The following RPSA2 variants were observed in gnomAD, a reference collection of about 807,000 sequenced individuals.
RPSA2 encodes the protein ribosomal protein SA 2.
the RPSA2 span, among the ~76,000 whole-genome samples, chr19:23,801,401 G>T: frequency 2.0e-5 from 3 of 152,060 alleles, no homozygotes; most frequent in Non-Finnish European, 2.9e-5. Context: ...ATCACACCTG[G>T]CTAATTTTGT....
At chr19:23,800,910 C>T in the RPSA2 span, among the ~76,000 whole-genome samples, 1 of 152,138 alleles carries the variant, frequency 6.6e-6, no homozygotes, top group African/African-American at 2.4e-5. Flanking sequence ...CCTCACCTGG[C>T]CTAGATTTCT....
chr19:23,862,694 AT>A, the RPSA2 span, among the ~76,000 whole-genome samples: 2 of 151,286 alleles, frequency 1.3e-5, no homozygotes, highest in Non-Finnish European at 2.9e-5. Context: ...GCATTTATTG[AT>A]TTGCATATAT....
At chr19:23,869,894 A>G in the RPSA2 span, among the ~76,000 whole-genome samples, 1 of 152,222 alleles carries the variant, frequency 6.6e-6, no homozygotes, top group African/African-American at 2.4e-5. Context: ...TGTGGTTTTA[A>G]TCCTTATGTC....
chr19:23,819,348 C>A, the RPSA2 span: 1 of 152,368 alleles, frequency 6.6e-6, no homozygotes, highest in African/African-American at 2.4e-5. Context: ...ATCATAGGAT[C>A]AGCTGGGTTG....
the RPSA2 span, among the ~76,000 whole-genome samples, chr19:23,855,828 G>A: frequency 2.0e-5 from 3 of 152,256 alleles, no homozygotes; most frequent in South Asian, 4.1e-4. Context: ...ATGGGGGATG[G>A]TCTGCAGAAG....
chr19:23,773,926 G>A, the RPSA2 span, among the ~76,000 whole-genome samples: 1 of 152,134 alleles, frequency 6.6e-6, no homozygotes, highest in African/African-American at 2.4e-5. Flanking sequence ...AACATGTGTG[G>A]GATTGTTAAT....
chr19:23,841,102 C>T, the RPSA2 span, among the ~76,000 whole-genome samples: 2 of 152,086 alleles, frequency 1.3e-5, no homozygotes, highest in African/African-American at 4.8e-5. Context: ...AGTCATGTTG[C>T]ATCCTCCAAT....
chr19:23,864,851 G>A, the RPSA2 span, among the ~76,000 whole-genome samples: 16 of 151,982 alleles, frequency 1.1e-4, no homozygotes, highest in African/African-American at 3.6e-4. Flanking sequence ...TGTCATGCAG[G>A]CCTGCACTAA....
the RPSA2 span, among the ~76,000 whole-genome samples, chr19:23,849,747 C>A: frequency 6.6e-6 from 1 of 152,142 alleles, no homozygotes; most frequent in African/African-American, 2.4e-5. Flanking sequence ...TTAAATAGCC[C>A]TTTGGTGCCC....
At chr19:23,840,013 C>G in the RPSA2 span, among the ~76,000 whole-genome samples, 3 of 152,118 alleles carry the variant, frequency 2.0e-5, no homozygotes, top group East Asian at 1.9e-4. Context: ...AGAGGGTTGT[C>G]CTGATGCCTT....
At chr19:23,834,099 T>C in the RPSA2 span, among the ~76,000 whole-genome samples, 1 of 152,042 alleles carries the variant, frequency 6.6e-6, no homozygotes, top group African/African-American at 2.4e-5. Flanking sequence ...TAGAAATATC[T>C]AGGGCCACTC....
the RPSA2 span, among the ~76,000 whole-genome samples, chr19:23,847,046 T>G: frequency 6.6e-6 from 1 of 152,178 alleles, no homozygotes; most frequent in Non-Finnish European, 1.5e-5. Context: ...TCTTTGTTCA[T>G]TCTTTTTCAT....
chr19:23,831,940 A>G, the RPSA2 span: 2 of 312,854 alleles, frequency 6.4e-6, no homozygotes, highest in African/African-American at 4.4e-5. Flanking sequence ...AACCCAACAT[A>G]AAAGCATTTA....
the RPSA2 span, among the ~76,000 whole-genome samples, chr19:23,766,142 CCTTTTTTT>C: frequency 1.7e-3 from 74 of 43,288 alleles, 4 homozygotes; most frequent in East Asian, 0.013. Context: ...TATTTCATTT[CCTTTTTTT>C]TTTTTTTTTT....
At chr19:23,859,361 C>T in the RPSA2 span, among the ~76,000 whole-genome samples, 1 of 152,042 alleles carries the variant, frequency 6.6e-6, no homozygotes, top group Non-Finnish European at 1.5e-5. Flanking sequence ...GGGTGCGATG[C>T]CTCACACCTG....
At chr19:23,763,511 C>G in the RPSA2 span, among the ~76,000 whole-genome samples, 44 of 152,320 alleles carry the variant, frequency 2.9e-4, no homozygotes, top group African/African-American at 1.0e-3. Flanking sequence ...GAGTCTTGCT[C>G]TGTCGCCCAG....
chr19:23,806,757 C>T, the RPSA2 span, among the ~76,000 whole-genome samples: 111 of 142,034 alleles, frequency 7.8e-4, no homozygotes, highest in African/African-American at 3.0e-3. Flanking sequence ...TGCACTCCAA[C>T]CTGGGTGACA....
At chr19:23,867,734 G>A in the RPSA2 span, among the ~76,000 whole-genome samples, 573 of 151,930 alleles carry the variant, frequency 3.8e-3, 4 homozygotes, top group African/African-American at 0.013. Flanking sequence ...GAAGGCTGAG[G>A]CAGGAGAATG....
chr19:23,862,020 T>A, the RPSA2 span, among the ~76,000 whole-genome samples: 1 of 152,154 alleles, frequency 6.6e-6, no homozygotes, highest in Non-Finnish European at 1.5e-5. Context: ...CATGGAATGT[T>A]CTTCCATTTC....
Sources: gnomAD v4.1 joint callset for allele counts (sites outside exome capture counted in the v4.1 genomes callset) on GRCh38, gnomAD v4.1.1 for gene constraint, MANE v1.5 for transcripts, NCBI Gene and HGNC (gene_info 2026-07-23, HGNC 2026-07-21) for gene names.